Variants in TMEM117 observed in about 807,000 individuals in gnomAD.
The protein encoded by TMEM117 is transmembrane protein 117.
Under a neutral mutation model 52.4 loss-of-function variants are expected in TMEM117, and 27 were observed. That is an observed-to-expected ratio of 0.51 (90% CI 0.38 to 0.71). The LOEUF is 0.71. Ranked by LOEUF, TMEM117 falls within the 30% of genes least tolerant of loss-of-function variation. The pLI, the probability that TMEM117 is intolerant of heterozygous loss-of-function variation, is 0.00. For synonymous variants in TMEM117, 215 were observed against 206.3 expected (o/e 1.04, Z -0.36); for missense variants, 556 against 630.5 (o/e 0.88, Z 1.26).
chr12:43,853,820 A>G (rs948880809), intron 2 of TMEM117, among the ~76,000 whole-genome samples: 3 of 152,192 alleles, frequency 2.0e-5, no homozygotes, highest in Admixed American at 2.0e-4. Context: ...CAGGGGAAGA[A>G]AGCTTTGTTG....
intron 4 of TMEM117, among the ~76,000 whole-genome samples, chr12:44,182,444 AC>A (rs1371977064): frequency 6.6e-6 from 1 of 152,138 alleles, no homozygotes; most frequent in African/African-American, 2.4e-5. Context: ...AGAGCCAAAG[AC>A]AAAAACCACA....
intron 4 of TMEM117, among the ~76,000 whole-genome samples, chr12:44,200,904 A>G (rs1036988154): frequency 6.6e-6 from 1 of 152,114 alleles, no homozygotes; most frequent in Non-Finnish European, 1.5e-5. Context: ...AAAGTCTGGA[A>G]AAAACTCACA....
At position 44,211,032 on chromosome 12, in the gene TMEM117, G is replaced by A. The variant is rs73272262; in HGVS notation, c.511-258G>A. On this transcript the variant is annotated intron_variant, in intron 4 of 7. Coordinates refer to ENST00000266534, the MANE Select transcript of TMEM117 (RefSeq NM_032256.3). ...GTTTCTATGGTACTGTCTTATATCCGGTAATCTTAATATTTAAAAAATTCT... is the reference window on the plus strand; with the variant it reads ...GTTTCTATGGTACTGTCTTATATCCAGTAATCTTAATATTTAAAAAATTCT... Among the ~76,000 whole-genome samples the A allele has an allele frequency of 0.019, 2,889 of 152,012 alleles. 81 individuals are homozygous for A. The highest frequency in any genetic ancestry group is 0.066 in the African/African-American group (2,747 of 41,468).
rs2138848993 is a variant in TMEM117, at chr12:44,375,900, T to C, written c.769-695T>C. ...ACCTAAAAATATCCTCATTTGCATC[T>C]GTTTCCCTTCCTTCAGAGAAGGAGG... is the stretch of plus-strand genomic sequence containing the variant. On this transcript the variant is annotated intron_variant, in intron 6 of 7. Coordinates refer to ENST00000266534, the MANE Select transcript of TMEM117 (RefSeq NM_032256.3). 2.6e-5 allele frequency among the ~76,000 whole-genome samples: 4 copies of C among 152,316 alleles called. 1 individual carries two copies. Among genetic ancestry groups the C allele is most frequent in the Admixed American group, 2.6e-4 (4 of 15,302 alleles).
At position 44,376,653 on chromosome 12, in the gene TMEM117, C is replaced by G. The variant is rs1208690185; in HGVS notation, c.827C>G (p.Thr276Ser). 6.2e-7 allele frequency: 1 copy of G among 1,612,558 alleles called. No homozygotes were observed. Among genetic ancestry groups the G allele is most frequent in the Non-Finnish European group, 8.5e-7 (1 of 1,179,268 alleles). Residue 276 changes from threonine (T) to serine (S), a missense_variant, in exon 7 of 8, where the codon ACC (threonine) becomes AGC (serine). Coordinates refer to ENST00000266534, the MANE Select transcript of TMEM117 (RefSeq NM_032256.3). ...DVDVNLPGLH[T>S]PHMQFKIPFF... is the part of the protein sequence containing the mutation. ...GATGTAAATCTCCCTGGTTTGCACA[C>G]CCCTCACATGCAGTTCAAGATTCCT...
intron 3 of TMEM117, among the ~76,000 whole-genome samples, chr12:44,107,294 G>A (rs556834758): frequency 3.0e-4 from 46 of 152,194 alleles, no homozygotes; most frequent in Middle Eastern, 6.8e-3. Context: ...GGCTCACAGT[G>A]TTAAAAATAA....
chr12:43,963,416 G>A (rs1945435618), intron 3 of TMEM117, among the ~76,000 whole-genome samples: 1 of 152,174 alleles, frequency 6.6e-6, no homozygotes, highest in African/African-American at 2.4e-5. Flanking sequence ...CATCTTAAGT[G>A]TGTGGAGATA....
At chr12:44,372,648 AACTGGCTTTTGGTGATG>A (rs1951881267) in intron 6 of TMEM117, among the ~76,000 whole-genome samples, 1 of 152,154 alleles carries the variant, frequency 6.6e-6, no homozygotes, top group South Asian at 2.1e-4. Flanking sequence ...CCTCTCATGG[AACTGGCTTTTGGTGATG>A]ACTGCCTTCA....
chr12:44,091,672 C>T (rs551194607), intron 3 of TMEM117, among the ~76,000 whole-genome samples: 1 of 152,172 alleles, frequency 6.6e-6, no homozygotes, highest in Admixed American at 6.5e-5. Flanking sequence ...TGTCAGTTGG[C>T]ACAACAGAGG....
intron 2 of TMEM117, among the ~76,000 whole-genome samples, chr12:43,867,208 A>C (rs1267562664): frequency 6.6e-6 from 1 of 152,248 alleles, no homozygotes; most frequent in Non-Finnish European, 1.5e-5. Context: ...GATTGGAGGC[A>C]AATGGAATTA....
intron 6 of TMEM117, among the ~76,000 whole-genome samples, chr12:44,307,655 G>A (rs1212623976): frequency 6.6e-6 from 1 of 152,194 alleles, no homozygotes; most frequent in African/African-American, 2.4e-5. Context: ...GGGAGACAGA[G>A]TGTTCAGGGA....
chr12:44,025,257 C>T (rs186308610), intron 3 of TMEM117, among the ~76,000 whole-genome samples: 8 of 152,276 alleles, frequency 5.3e-5, no homozygotes, highest in East Asian at 1.9e-4. Flanking sequence ...TGAACAGATA[C>T]GGTTCAGGGG....
chr12:43,823,074 T>A, the TMEM117 span, among the ~76,000 whole-genome samples: 2 of 152,222 alleles, frequency 1.3e-5, no homozygotes, highest in African/African-American at 2.4e-5. Context: ...CCATTGAATT[T>A]ATGGCAAAGC....
chr12:43,930,231 T>C (rs1276924460), intron 2 of TMEM117, among the ~76,000 whole-genome samples: 1 of 152,100 alleles, frequency 6.6e-6, no homozygotes, highest in East Asian at 1.9e-4. Context: ...AATTTATGCT[T>C]AGTTTTTTTT....
At chr12:44,056,263 T>C (rs1024393345) in intron 3 of TMEM117, among the ~76,000 whole-genome samples, 1 of 152,110 alleles carries the variant, frequency 6.6e-6, no homozygotes, top group African/African-American at 2.4e-5. Context: ...TTTGAAAGCA[T>C]TTTTTAAATA....
At chr12:44,168,039 A>G (rs867957229) in intron 4 of TMEM117, among the ~76,000 whole-genome samples, 2 of 150,638 alleles carry the variant, frequency 1.3e-5, no homozygotes, top group Non-Finnish European at 2.9e-5. Context: ...GCGGATCACA[A>G]GGTCAGGAGT....
chr12:43,945,957 G>A (rs1945124996), intron 3 of TMEM117, among the ~76,000 whole-genome samples: 3 of 152,132 alleles, frequency 2.0e-5, no homozygotes, highest in African/African-American at 7.2e-5. Context: ...GAATAGCAAA[G>A]GGAAAAATAC....
In TMEM117 at chr12:44,151,553, C is replaced by G. The variant is rs368584750; in HGVS notation, c.510+7929C>G. ...GTCCCCAGGTGTGATGTTCCCCTTCCTGTGTCCATGTTTAAAGCAGTATTT... is the reference window on the plus strand; with the variant it reads ...GTCCCCAGGTGTGATGTTCCCCTTCGTGTGTCCATGTTTAAAGCAGTATTT... On this transcript the variant is annotated intron_variant, in intron 4 of 7. Transcript: ENST00000266534. 2.2e-5 allele frequency among the ~76,000 whole-genome samples: 3 copies of G among 139,506 alleles called. No homozygotes were observed. The South Asian group carries it at 7.4e-4, about 34-fold the overall frequency. The allele number at this position is 139,506 out of a possible 152,430, so 91.5% of individuals were successfully genotyped here.
At chr12:44,298,457 A>G (rs1950796579) in intron 5 of TMEM117, among the ~76,000 whole-genome samples, 1 of 150,098 alleles carries the variant, frequency 6.7e-6, no homozygotes, top group African/African-American at 2.5e-5. Flanking sequence ...ATATCTAGCC[A>G]TCAATATAGC....
Sources: allele counts gnomAD v4.1 joint callset (sites outside exome capture counted in the v4.1 genomes callset), GRCh38; gene constraint gnomAD v4.1.1; transcripts MANE v1.5; gene names NCBI Gene and HGNC (gene_info 2026-07-23, HGNC 2026-07-21).